MAML2: variants seen among roughly 807,000 people sequenced by gnomAD.
MAML2 encodes the protein mastermind-like protein 2.
A neutral mutation model predicts 96.1 loss-of-function variants in MAML2; 22 were observed. The ratio of observed to expected loss-of-function variants is 0.23; its 90% confidence interval spans 0.16 to 0.33. MAML2 has a LOEUF of 0.33. Ranked by LOEUF, MAML2 falls within the 10% of genes least tolerant of loss-of-function variation. The pLI is 1.00. For missense variants in MAML2, 1,367 were observed against 1,392.4 expected (o/e 0.98, Z 0.29); for synonymous variants, 561 against 521.3 (o/e 1.08, Z -1.04).
intron 2 of MAML2, among the ~76,000 whole-genome samples, chr11:96,037,772 G>T (rs141846244): frequency 6.6e-6 from 1 of 152,148 alleles, no homozygotes; most frequent in Non-Finnish European, 1.5e-5. Context: ...AGGAGCTCTC[G>T]CTGGGCATTC....
At chr11:96,305,102 T>A (rs1005533559) in intron 1 of MAML2, among the ~76,000 whole-genome samples, 1 of 152,214 alleles carries the variant, frequency 6.6e-6, no homozygotes, top group Non-Finnish European at 1.5e-5. Flanking sequence ...CATTTTTCAG[T>A]AACTTTCACA....
chr11:96,259,889 A>C (rs567196940), intron 1 of MAML2, among the ~76,000 whole-genome samples: 41 of 152,204 alleles, frequency 2.7e-4, no homozygotes, highest in African/African-American at 9.2e-4. Flanking sequence ...GTTCAGTATA[A>C]AGGTTACCTT....
intron 2 of MAML2, among the ~76,000 whole-genome samples, chr11:96,015,885 G>A (rs1343257585): frequency 6.6e-6 from 1 of 152,088 alleles, no homozygotes; most frequent in Non-Finnish European, 1.5e-5. Context: ...ACAAGGCTCA[G>A]TTAATGTGGT....
chr11:96,088,959 T>C (rs78807838), intron 2 of MAML2, among the ~76,000 whole-genome samples: 11,182 of 152,012 alleles, frequency 0.074, 1,073 homozygotes, highest in African/African-American at 0.22. Context: ...TCTACCAATT[T>C]GTAGCAGAGA....
chr11:96,322,664 C>T (rs1863722707), intron 1 of MAML2, among the ~76,000 whole-genome samples: 1 of 152,198 alleles, frequency 6.6e-6, no homozygotes, highest in South Asian at 2.1e-4. Flanking sequence ...TGCACTCCAC[C>T]CTGGGGGCCA....
At chr11:96,199,267 T>A (rs1406920388) in intron 1 of MAML2, among the ~76,000 whole-genome samples, 1 of 151,018 alleles carries the variant, frequency 6.6e-6, no homozygotes, top group Non-Finnish European at 1.5e-5. Flanking sequence ...ATTTTCTCCT[T>A]CTTCCCAGCT....
intron 1 of MAML2, among the ~76,000 whole-genome samples, chr11:96,238,131 T>C (rs1415932843): frequency 6.6e-6 from 1 of 152,214 alleles, no homozygotes; most frequent in African/African-American, 2.4e-5. Context: ...GGACAAGCAA[T>C]TAGTACAGAG....
chr11:96,213,499 T>G (rs1373340189), intron 1 of MAML2, among the ~76,000 whole-genome samples: 3 of 152,220 alleles, frequency 2.0e-5, no homozygotes, highest in Non-Finnish European at 4.4e-5. Flanking sequence ...GTATAAAATA[T>G]CCTTTCTTTC....
chr11:96,338,369 G>T (rs1212139924), intron 1 of MAML2, among the ~76,000 whole-genome samples: 1 of 152,270 alleles, frequency 6.6e-6, no homozygotes, highest in East Asian at 1.9e-4. Context: ...TTGTACTTGA[G>T]CTAAATGAAG....
At chr11:96,318,944 C>T (rs1411735328) in intron 1 of MAML2, among the ~76,000 whole-genome samples, 2 of 152,182 alleles carry the variant, frequency 1.3e-5, no homozygotes, top group African/African-American at 4.8e-5. Flanking sequence ...GATGCCTACT[C>T]CCTGGTACTC....
Position 96,247,119 on chromosome 11 carries a change from G to C in MAML2, c.513+94264C>G, listed in dbSNP as rs773391849. Among the ~76,000 whole-genome samples the C allele has an allele frequency of 3.4e-4, 52 of 151,956 alleles. 1 individual carries two copies. Among genetic ancestry groups the C allele is most frequent in the South Asian group, 4.2e-4 (2 of 4,808 alleles). On this transcript the variant is annotated intron_variant, in intron 1 of 4. Coordinates refer to ENST00000524717, the MANE Select transcript of MAML2 (RefSeq NM_032427.4). ...CTTCAGGTTACAAGCAGAGAACAGA[G>C]AGCCCTCATTAATGTCTTTCTAGCC... is the stretch of plus-strand genomic sequence containing the variant.
At chr11:96,135,315 A>G (rs936737695) in intron 1 of MAML2, among the ~76,000 whole-genome samples, 1 of 152,198 alleles carries the variant, frequency 6.6e-6, no homozygotes, top group African/African-American at 2.4e-5. Flanking sequence ...GTGAGAAATA[A>G]ATCTTCATTC....
intron 1 of MAML2, among the ~76,000 whole-genome samples, chr11:96,338,678 T>C (rs1166320399): frequency 6.6e-6 from 1 of 152,210 alleles, no homozygotes; most frequent in Non-Finnish European, 1.5e-5. Context: ...AGATGATCAA[T>C]ATTCTCTCCC....
intron 1 of MAML2, among the ~76,000 whole-genome samples, chr11:96,115,197 C>T (rs75869368): frequency 0.02 from 3,038 of 150,710 alleles, 104 homozygotes; most frequent in African/African-American, 0.069. Flanking sequence ...TGGGGTCTTG[C>T]TCTGTGCCCG....
At chr11:96,154,925 G>A (rs1247735252) in intron 1 of MAML2, among the ~76,000 whole-genome samples, 1 of 152,182 alleles carries the variant, frequency 6.6e-6, no homozygotes, top group African/African-American at 2.4e-5. Context: ...TGAAGCCCCA[G>A]TAGCTGTAAC....
chr11:96,321,692 T>A (rs1863703339), intron 1 of MAML2, among the ~76,000 whole-genome samples: 1 of 152,188 alleles, frequency 6.6e-6, no homozygotes, highest in African/African-American at 2.4e-5. Context: ...GGCAAAACGA[T>A]TTACTCAGTA....
intron 2 of MAML2, among the ~76,000 whole-genome samples, chr11:96,015,597 A>G (rs1858336887): frequency 7.7e-6 from 1 of 129,566 alleles, no homozygotes; most frequent in Non-Finnish European, 1.7e-5. Flanking sequence ...GGGGGGGGGC[A>G]ATTCATGAAG....
intron 1 of MAML2, among the ~76,000 whole-genome samples, chr11:96,240,557 C>CAAAAAAAAAAAAAAAAAAAAAAAAAA (rs55659413): frequency 1.8e-4 from 9 of 51,098 alleles, no homozygotes; most frequent in African/African-American, 1.8e-4. Flanking sequence ...GACTCCGTCT[C>CAAAAAAAAAAAAAAAAAAAAAAAAAA]AAAAAAAAAA....
intron 2 of MAML2, among the ~76,000 whole-genome samples, chr11:96,026,182 T>C (rs1052598776): frequency 6.6e-6 from 1 of 152,220 alleles, no homozygotes; most frequent in African/African-American, 2.4e-5. Context: ...TGTTCATTTA[T>C]CAGTCTCCTC....
Sources: allele counts gnomAD v4.1 joint callset (sites outside exome capture counted in the v4.1 genomes callset), GRCh38; gene constraint gnomAD v4.1.1; transcripts MANE v1.5; gene names NCBI Gene and HGNC (gene_info 2026-07-23, HGNC 2026-07-21).